ALPK2: variants seen among roughly 807,000 people sequenced by gnomAD.
The protein encoded by ALPK2 is alpha kinase 2, also known as alpha-protein kinase 2.
In ALPK2, 127 loss-of-function variants were observed where a neutral mutation model predicts 163.1. The observed-to-expected ratio is 0.78, with a 90% CI of 0.67 to 0.90. The LOEUF is 0.90. Among genes scored for constraint, ALPK2 ranks in the 40% least tolerant of loss-of-function variants. ALPK2 has a pLI of 0.00. For synonymous variants in ALPK2, 953 were observed against 959.1 expected (o/e 0.99, Z 0.12); for missense variants, 2,360 against 2,589.6 (o/e 0.91, Z 1.92).
chr18:58,487,063 T>TAA, intron 12 of ALPK2, among the ~76,000 whole-genome samples: 1 of 152,340 alleles, frequency 6.6e-6, no homozygotes, highest in Non-Finnish European at 1.5e-5. Flanking sequence ...CTTTTCATGT[T>TAA]GGATAGATAT....
At chr18:58,539,986 T>A (rs60406350) in intron 4 of ALPK2, among the ~76,000 whole-genome samples, 18,909 of 152,200 alleles carry the variant, frequency 0.12, 1,320 homozygotes, top group African/African-American at 0.19. Context: ...GAAAGAAATT[T>A]AATATAAACT....
At chr18:58,572,986 ATCTC>A (rs966186094) in intron 4 of ALPK2, among the ~76,000 whole-genome samples, 2 of 152,264 alleles carry the variant, frequency 1.3e-5, no homozygotes, top group Non-Finnish European at 2.9e-5. Context: ...GTGTACTGTC[ATCTC>A]TCTCTATTTC....
chr18:58,596,141 A>C (rs1266650360), intron 3 of ALPK2, among the ~76,000 whole-genome samples: 1 of 152,238 alleles, frequency 6.6e-6, no homozygotes, highest in African/African-American at 2.4e-5. Flanking sequence ...TGGACCCAGA[A>C]AGGGGGAATG....
chr18:58,481,978 G>C lies in ALPK2; in HGVS notation c.6358C>G (p.Gln2120Glu), dbSNP rs776268522. The C allele has an allele frequency of 2.5e-6, 4 of 1,613,986 alleles. No homozygotes were observed. The African/African-American group carries it at 4.0e-5, about 16-fold the overall frequency. ...AGCATTTTGCAATACTTGTTACACT[G>C]GTGTAGTGCTTTAAACTGATCAATG... ...TFIDQFKALH[Q>E]CNKYCKMLGL... is the part of the protein sequence containing the mutation. Residue 2120 changes from glutamine to glutamate, a missense_variant, in exon 13 of 13, where the codon CAG (glutamine) becomes GAG (glutamate). By Grantham distance (29) the Gln-to-Glu change is conservative (BLOSUM62 2). Transcript: ENST00000361673.
chr18:58,607,394 A>AT lies in ALPK2; in HGVS notation c.154dup (p.Ile52AsnfsTer11). The AT allele has an allele frequency of 6.2e-7, 1 of 1,613,786 alleles. No individual in the cohort carries two copies. The highest frequency in any genetic ancestry group is 8.5e-7 in the Non-Finnish European group (1 of 1,179,844). ...GTTGGAAATAATGCCACTCCCATCGATGGCCTGACCATTCTTATACCAAGT... is the reference window on the plus strand; with the variant it reads ...GTTGGAAATAATGCCACTCCCATCGATTGGCCTGACCATTCTTATACCAAGT... On this transcript the variant is annotated frameshift_variant, in exon 3 of 13. Coordinates refer to ENST00000361673, the MANE Select transcript of ALPK2 (RefSeq NM_052947.4). LOFTEE classifies it high-confidence loss of function.
At chr18:58,554,025 C>T (rs1214393293) in intron 4 of ALPK2, among the ~76,000 whole-genome samples, 4 of 152,016 alleles carry the variant, frequency 2.6e-5, no homozygotes, top group African/African-American at 9.7e-5. Context: ...CAAAGCCTGG[C>T]TAATTTTGTA....
chr18:58,539,652 G>A (rs1341453564), intron 4 of ALPK2, among the ~76,000 whole-genome samples: 2 of 152,190 alleles, frequency 1.3e-5, no homozygotes, highest in African/African-American at 2.4e-5. Context: ...TGGCCTTGGC[G>A]GGATGGGGTT....
chr18:58,575,815 A>G (rs1167746016), intron 4 of ALPK2, among the ~76,000 whole-genome samples: 2 of 152,204 alleles, frequency 1.3e-5, no homozygotes, highest in African/African-American at 4.8e-5. Flanking sequence ...TAGCCTGGGT[A>G]GGTACTATTT....
At chr18:58,606,444 C>T (rs2052098020) in intron 3 of ALPK2, among the ~76,000 whole-genome samples, 1 of 152,180 alleles carries the variant, frequency 6.6e-6, no homozygotes, top group Non-Finnish European at 1.5e-5. Context: ...TGAACAACTC[C>T]TCTACAATGA....
At chr18:58,599,586 C>T (rs1312625989) in intron 3 of ALPK2, among the ~76,000 whole-genome samples, 1 of 152,156 alleles carries the variant, frequency 6.6e-6, no homozygotes, top group Non-Finnish European at 1.5e-5. Flanking sequence ...TGAACAATCA[C>T]GTTAACCACA....
chr18:58,619,012 A>G (rs957779764), intron 1 of ALPK2, among the ~76,000 whole-genome samples: 5 of 152,338 alleles, frequency 3.3e-5, no homozygotes, highest in Admixed American at 2.0e-4. Context: ...GCCTAATCCA[A>G]TGGCAATTGT....
At chr18:58,594,603 G>T (rs949054702) in intron 3 of ALPK2, among the ~76,000 whole-genome samples, 1 of 152,150 alleles carries the variant, frequency 6.6e-6, no homozygotes, top group African/African-American at 2.4e-5. Context: ...AGCCACAGAG[G>T]CCCAGAGCTC....
Position 58,535,012 on chromosome 18 carries a change from C to G in ALPK2, c.5175G>C (p.Glu1725Asp). The G allele has an allele frequency of 6.2e-7, 1 of 1,614,166 alleles. No homozygotes were observed. Among genetic ancestry groups the G allele is most frequent in the Non-Finnish European group, 8.5e-7 (1 of 1,180,010 alleles). ...TGGACAAAATTTTCTTCTTTACTCC[C>G]TCAGCTAAATGTCCACTGCCTGGGG... is the stretch of plus-strand genomic sequence containing the variant. ...PEAPGSGHLA[E>D]GVKKKILSRV... Residue 1725 changes from glutamate (E) to aspartate (D), a missense_variant, in exon 5 of 13, where the codon GAG becomes GAC. Coordinates refer to ENST00000361673, the MANE Select transcript of ALPK2 (RefSeq NM_052947.4).
chr18:58,578,733 G>GACACACACACACACACACAC (rs71173065), intron 4 of ALPK2, 81 bp downstream of exon 4: 9,277 of 531,586 alleles, frequency 0.017, 248 homozygotes, highest in African/African-American at 0.039. Context: ...TAAAGGAAGA[G>GACACACACACACACACACAC]ACACACACAC....
At position 58,579,429 on chromosome 18, in the gene ALPK2, A is replaced by G. The variant is rs368520237; in HGVS notation, c.1347T>C (p.Tyr449=). The stretch of plus-strand genomic sequence containing the variant: ...CAGCCTCGGGAGCAGTGGGGAGTTT[A>G]TATCTCCCCTGTTCTGTCACTGAAG... ...GTSSVTEQGR[Y]KLPTAPEAAE... is the part of the protein sequence containing the mutation. Residue 449 remains tyrosine (Y), a synonymous_variant, in exon 4 of 13, where the codon TAT becomes TAC. Coordinates refer to ENST00000361673, the MANE Select transcript of ALPK2 (RefSeq NM_052947.4). The G allele has an allele frequency of 8.1e-6, 13 of 1,613,950 alleles. No homozygotes were observed. In the Admixed American group the frequency reaches 8.3e-5, roughly 10 times the overall value.
chr18:58,584,215 G>A (rs912614446), intron 3 of ALPK2, among the ~76,000 whole-genome samples: 1 of 152,224 alleles, frequency 6.6e-6, no homozygotes, highest in African/African-American at 2.4e-5. Context: ...ACTGGATTAA[G>A]TATAATTAAC....
rs145182825 is a variant in ALPK2, at chr18:58,481,988, T to C, written c.6348A>G (p.Lys2116=). The part of the protein sequence containing the change: ...NCSMTFIDQF[K]ALHQCNKYCK... ...AATACTTGTTACACTGGTGTAGTGC[T>C]TTAAACTGATCAATGAAGGTCATGG... Residue 2116 remains lysine (K), a synonymous_variant, in exon 13 of 13, where the codon AAA becomes AAG. Coordinates refer to ENST00000361673, the MANE Select transcript of ALPK2 (RefSeq NM_052947.4). The C allele has an allele frequency of 3.1e-6, 5 of 1,614,232 alleles. No homozygotes were observed. In the African/African-American group the frequency reaches 5.3e-5, roughly 17 times the overall value.
chr18:58,602,983 T>C (rs188860449), intron 3 of ALPK2, among the ~76,000 whole-genome samples: 207 of 152,306 alleles, frequency 1.4e-3, no homozygotes, highest in African/African-American at 4.9e-3. Flanking sequence ...CTATATAATC[T>C]AAAAATAGGA....
At chr18:58,626,350 C>T (rs1397161780) in intron 1 of ALPK2, among the ~76,000 whole-genome samples, 1 of 152,128 alleles carries the variant, frequency 6.6e-6, no homozygotes, top group Admixed American at 6.5e-5. Context: ...GGTGCGATCC[C>T]TATCCTGGAA....
Sources: allele counts gnomAD v4.1 joint callset (sites outside exome capture counted in the v4.1 genomes callset), GRCh38; gene constraint gnomAD v4.1.1; transcripts MANE v1.5; gene names NCBI Gene and HGNC (gene_info 2026-07-23, HGNC 2026-07-21).